ATP10B: variants seen among roughly 807,000 people sequenced by gnomAD.
The protein encoded by ATP10B is ATPase phospholipid transporting 10B (putative).
A neutral mutation model predicts 141.2 loss-of-function variants in ATP10B; 122 were observed. That is an observed-to-expected ratio of 0.86 (90% confidence interval 0.75 to 1.00). The LOEUF (loss-of-function observed/expected upper bound fraction) is 1.00, where lower values mean the gene tolerates loss of function less well. ATP10B is among the 50% of genes least tolerant of loss of function. The probability of loss-of-function intolerance (pLI) is 0.00; values close to 1 mark genes in which losing one functional copy is unlikely to be tolerated. For missense variants in ATP10B, 1,876 were observed against 1,825.3 expected (o/e 1.03, Z -0.51); for synonymous variants, 685 against 692.0 (o/e 0.99, Z 0.16).
At chr5:160,823,489 C>T (rs1278203717) in intron 1 of ATP10B, among the ~76,000 whole-genome samples, 1 of 152,130 alleles carries the variant, frequency 6.6e-6, no homozygotes, top group Non-Finnish European at 1.5e-5. Flanking sequence ...CACCGTGGCA[C>T]ACATTTACCT....
intron 7 of ATP10B, among the ~76,000 whole-genome samples, chr5:160,655,442 GA>G (rs1359199860): frequency 2.6e-5 from 4 of 152,124 alleles, no homozygotes; most frequent in African/African-American, 9.7e-5. Flanking sequence ...TCCTCTGGTA[GA>G]CTGTCATCTT....
chr5:160,591,209 T>C (rs1398947240), intron 22 of ATP10B, 70 bp from the exon 23 acceptor site: 5 of 1,350,356 alleles, frequency 3.7e-6, no homozygotes, highest in African/African-American at 2.9e-5. Context: ...AGCAACTTTC[T>C]TGCATGTGGC....
chr5:160,611,155 G>A (rs1561651682), intron 18 of ATP10B, among the ~76,000 whole-genome samples: 1 of 152,178 alleles, frequency 6.6e-6, no homozygotes, highest in Non-Finnish European at 1.5e-5. Context: ...AGGCATGGCT[G>A]AGGATTCAGG....
At chr5:160,884,402 G>A in the ATP10B span, among the ~76,000 whole-genome samples, 5 of 152,152 alleles carry the variant, frequency 3.3e-5, no homozygotes, top group Non-Finnish European at 7.3e-5. Context: ...AAGATGTTAG[G>A]TAGTATGAAA....
At chr5:160,740,754 A>T (rs1208153268) in intron 2 of ATP10B, among the ~76,000 whole-genome samples, 1 of 152,238 alleles carries the variant, frequency 6.6e-6, no homozygotes, top group Non-Finnish European at 1.5e-5. Context: ...GCAAAGTACA[A>T]GAAGCCCTGA....
intron 12 of ATP10B, chr5:160,632,603 A>C: frequency 6.0e-6 from 2 of 334,556 alleles, no homozygotes; most frequent in African/African-American, 2.3e-5. Context: ...ATAACCTGTC[A>C]CTTTATTTCC....
At chr5:160,771,000 T>A (rs1228195815) in intron 2 of ATP10B, among the ~76,000 whole-genome samples, 1 of 152,198 alleles carries the variant, frequency 6.6e-6, no homozygotes, top group Admixed American at 6.6e-5. Context: ...CAAAAGTGAC[T>A]GAGGCTCTGA....
upstream of ATP10B, among the ~76,000 whole-genome samples, chr5:160,856,990 A>C (rs895226936): frequency 6.6e-6 from 1 of 151,704 alleles, no homozygotes; most frequent in Non-Finnish European, 1.5e-5. Context: ...TAACTTTTGC[A>C]TTTATATTCA....
At chr5:160,823,016 A>ATATATATATG (rs1698527749) in intron 1 of ATP10B, among the ~76,000 whole-genome samples, 2 of 118,596 alleles carry the variant, frequency 1.7e-5, no homozygotes, top group Non-Finnish European at 3.6e-5. Flanking sequence ...ATATATATAT[A>ATATATATATG]TATATATATA....
At chr5:160,909,077 G>A in the ATP10B span, among the ~76,000 whole-genome samples, 1 of 152,174 alleles carries the variant, frequency 6.6e-6, no homozygotes, top group Admixed American at 6.5e-5. Flanking sequence ...CTCACCTTAA[G>A]TGGCCTATGA....
At chr5:160,893,927 C>G in the ATP10B span, among the ~76,000 whole-genome samples, 1 of 152,156 alleles carries the variant, frequency 6.6e-6, no homozygotes, top group East Asian at 1.9e-4. Flanking sequence ...CTCCAGCAAG[C>G]TCCAGCAGAC....
At chr5:160,632,079 C>A (rs1223302711) in intron 13 of ATP10B, 50 bp downstream of exon 13, 13 of 1,525,572 alleles carry the variant, frequency 8.5e-6, no homozygotes, top group African/African-American at 1.4e-5. Flanking sequence ...AGCACCCTCC[C>A]TCTCTTCCCA....
chr5:160,725,692 G>A (rs1454894251), intron 2 of ATP10B, among the ~76,000 whole-genome samples: 2 of 152,116 alleles, frequency 1.3e-5, no homozygotes, highest in East Asian at 1.9e-4. Context: ...TGATCTGCCC[G>A]CCTTGGCCTC....
the ATP10B span, among the ~76,000 whole-genome samples, chr5:160,919,223 CA>C: frequency 5.4e-3 from 146 of 26,962 alleles, 2 homozygotes; most frequent in Admixed American, 0.013. Flanking sequence ...AACTCCGTCT[CA>C]AAAAAAAAAA....
the ATP10B span, among the ~76,000 whole-genome samples, chr5:160,872,181 A>G: frequency 5.3e-5 from 8 of 152,192 alleles, no homozygotes; most frequent in African/African-American, 1.9e-4. Context: ...GGCCATTTGT[A>G]TATCTTCTTT....
At chr5:160,568,897 G>A (rs1347036308) in intron 25 of ATP10B, among the ~76,000 whole-genome samples, 1 of 152,182 alleles carries the variant, frequency 6.6e-6, no homozygotes, top group African/African-American at 2.4e-5. Flanking sequence ...TAGTCCCTGG[G>A]CATGGATTAT....
the ATP10B span, among the ~76,000 whole-genome samples, chr5:160,893,809 G>T: frequency 6.6e-6 from 1 of 152,270 alleles, no homozygotes; most frequent in Middle Eastern, 3.4e-3. Context: ...GCTGGCATCT[G>T]GCGGGTGCCC....
intron 1 of ATP10B, among the ~76,000 whole-genome samples, chr5:160,841,348 A>G (rs938618301): frequency 6.6e-6 from 1 of 152,170 alleles, no homozygotes; most frequent in Non-Finnish European, 1.5e-5. Context: ...TAAAAGAAAG[A>G]AGGAGAAGTA....
At chr5:160,593,023 A>G (rs529624975) in intron 22 of ATP10B, among the ~76,000 whole-genome samples, 1 of 152,392 alleles carries the variant, frequency 6.6e-6, no homozygotes, top group East Asian at 1.9e-4. Flanking sequence ...TAACCTCTGC[A>G]GACTTAAATG....
Sources: allele counts gnomAD v4.1 joint callset (sites outside exome capture counted in the v4.1 genomes callset), GRCh38; gene constraint gnomAD v4.1.1; transcripts MANE v1.5; gene names NCBI Gene and HGNC (gene_info 2026-07-23, HGNC 2026-07-21).